Variants in CDH18 observed in about 807,000 individuals in gnomAD.
CDH18 encodes cadherin 18.
CDH18 carries 31 observed loss-of-function variants against 67.9 expected under a neutral mutation model. That is an observed-to-expected ratio of 0.46 (90% CI 0.34 to 0.62). CDH18 has a LOEUF of 0.62. CDH18 is among the 20% of genes least tolerant of loss of function. The probability of loss-of-function intolerance (pLI) is 0.01; values close to 1 mark genes in which losing one functional copy is unlikely to be tolerated. For missense variants in CDH18, 890 were observed against 975.5 expected, an observed-to-expected ratio of 0.91 and a Z score of 1.17; for synonymous variants, 362 against 347.2, an observed-to-expected ratio of 1.04 and a Z score of -0.48.
At chr5:19,541,314 C>T (rs148435788) in intron 9 of CDH18, among the ~76,000 whole-genome samples, 202 of 150,972 alleles carry the variant, frequency 1.3e-3, no homozygotes, top group African/African-American at 4.9e-3. Flanking sequence ...GTCTTCCGAG[C>T]ACTCCAAGTC....
intron 2 of CDH18, among the ~76,000 whole-genome samples, chr5:20,018,506 T>C (rs1325407143): frequency 6.6e-6 from 1 of 152,224 alleles, no homozygotes; most frequent in African/African-American, 2.4e-5. Context: ...ACAAAGTTCA[T>C]GTACATAAAG....
At chr5:19,835,454 C>T (rs1781518347) in intron 3 of CDH18, among the ~76,000 whole-genome samples, 1 of 151,260 alleles carries the variant, frequency 6.6e-6, no homozygotes, top group Non-Finnish European at 1.5e-5. Context: ...ACATGTATCC[C>T]TTTTTTTTGT....
intron 5 of CDH18, among the ~76,000 whole-genome samples, chr5:19,692,664 T>C (rs1425521260): frequency 6.6e-6 from 1 of 151,688 alleles, no homozygotes. Context: ...GAAATACAAA[T>C]CAAAATGATA....
intron 1 of CDH18, among the ~76,000 whole-genome samples, chr5:20,478,638 T>G (rs561918868): frequency 1.3e-5 from 2 of 151,846 alleles, no homozygotes; most frequent in Non-Finnish European, 2.9e-5. Flanking sequence ...CACTGGCTCC[T>G]GGAAGGCATT....
At chr5:20,469,443 T>G (rs1330019584) in intron 1 of CDH18, among the ~76,000 whole-genome samples, 3 of 152,184 alleles carry the variant, frequency 2.0e-5, no homozygotes, top group South Asian at 2.1e-4. Context: ...CCCTAGAGAT[T>G]GCCACTATTG....
chr5:20,339,607 C>G (rs990534042), intron 1 of CDH18, among the ~76,000 whole-genome samples: 1 of 152,046 alleles, frequency 6.6e-6, no homozygotes, highest in East Asian at 1.9e-4. Context: ...CTTCCTAGAA[C>G]CCCGTCAAAC....
At chr5:19,820,394 C>T (rs1166817511) in intron 3 of CDH18, among the ~76,000 whole-genome samples, 1 of 152,114 alleles carries the variant, frequency 6.6e-6, no homozygotes, top group Non-Finnish European at 1.5e-5. Flanking sequence ...GTTCCCACAG[C>T]CATCTGTTTG....
intron 1 of CDH18, among the ~76,000 whole-genome samples, chr5:20,286,758 A>C (rs1469136076): frequency 3.3e-5 from 5 of 151,676 alleles, no homozygotes; most frequent in Admixed American, 3.3e-4. Flanking sequence ...TCCTGCCTTC[A>C]TCTATGGTGA....
intron 1 of CDH18, among the ~76,000 whole-genome samples, chr5:20,320,631 C>T (rs1580744381): frequency 6.6e-6 from 1 of 152,288 alleles, no homozygotes; most frequent in Admixed American, 6.5e-5. Context: ...CAGATTTCTC[C>T]CTGAGATTCC....
chr5:19,520,290 C>T (rs1346108086), intron 10 of CDH18, among the ~76,000 whole-genome samples: 1 of 152,110 alleles, frequency 6.6e-6, no homozygotes, highest in African/African-American at 2.4e-5. Context: ...TGCAGATCCT[C>T]CAAAATAGAG....
chr5:19,706,414 A>C (rs994887863), intron 5 of CDH18, among the ~76,000 whole-genome samples: 1 of 152,226 alleles, frequency 6.6e-6, no homozygotes, highest in Non-Finnish European at 1.5e-5. Flanking sequence ...AAAAAAGCTA[A>C]AGCTATTATC....
intron 1 of CDH18, among the ~76,000 whole-genome samples, chr5:20,279,903 A>G (rs1746113798): frequency 6.6e-6 from 1 of 151,888 alleles, no homozygotes; most frequent in African/African-American, 2.4e-5. Flanking sequence ...ATTTAATCCA[A>G]CCACTTCAGA....
At chr5:20,443,270 G>C (rs1323383651) in intron 1 of CDH18, among the ~76,000 whole-genome samples, 1 of 148,500 alleles carries the variant, frequency 6.7e-6, no homozygotes, top group Admixed American at 6.7e-5. Context: ...AGAAAGCTAA[G>C]GGAAAAATGG....
intron 8 of CDH18, among the ~76,000 whole-genome samples, chr5:19,547,764 G>A (rs552597531): frequency 1.3e-5 from 2 of 152,118 alleles, no homozygotes; most frequent in African/African-American, 4.8e-5. Context: ...GCTCTCTAGG[G>A]AAATCAACAT....
chr5:20,304,949 G>A, intron 1 of CDH18: 3 of 1,613,650 alleles, frequency 1.9e-6, no homozygotes, highest in Non-Finnish European at 1.7e-6. Context: ...ATCCAATCCC[G>A]CACGGAGCAG....
chr5:20,293,278 T>C (rs1243046440), intron 1 of CDH18, among the ~76,000 whole-genome samples: 1 of 151,864 alleles, frequency 6.6e-6, no homozygotes, highest in African/African-American at 2.4e-5. Context: ...GATCACGCCA[T>C]TGCACTCCAG....
At chr5:20,444,921 G>A (rs1211314930) in intron 1 of CDH18, among the ~76,000 whole-genome samples, 2 of 152,016 alleles carry the variant, frequency 1.3e-5, no homozygotes, top group African/African-American at 4.8e-5. Context: ...AAATATGCCA[G>A]CTGAAAGCAA....
chr5:19,586,625 T>C (rs562672198), intron 7 of CDH18, among the ~76,000 whole-genome samples: 238 of 152,324 alleles, frequency 1.6e-3, no homozygotes, highest in African/African-American at 5.5e-3. Flanking sequence ...ACATTTAGGT[T>C]GATTCCATGT....
chr5:19,645,488 G>A (rs1403706382), intron 5 of CDH18, among the ~76,000 whole-genome samples: 1 of 152,190 alleles, frequency 6.6e-6, no homozygotes, highest in Non-Finnish European at 1.5e-5. Flanking sequence ...GTAGGCTCTG[G>A]CTATTGACTT....
Sources: gnomAD v4.1 joint callset for allele counts (sites outside exome capture counted in the v4.1 genomes callset) on GRCh38, gnomAD v4.1.1 for gene constraint, MANE v1.5 for transcripts, NCBI Gene and HGNC (gene_info 2026-07-23, HGNC 2026-07-21) for gene names.